Variants in TRAK2 observed in about 807,000 individuals in gnomAD.
TRAK2 encodes the protein trafficking kinesin-binding protein 2.
A neutral mutation model predicts 104.6 loss-of-function variants in TRAK2; 81 were observed. That is an observed-to-expected ratio of 0.77 (90% CI 0.65 to 0.93). The LOEUF (loss-of-function observed/expected upper bound fraction) is 0.93. TRAK2 is among the 40% of genes least tolerant of loss of function. The pLI, the probability that TRAK2 is intolerant of heterozygous loss-of-function variation, is 0.00. For missense variants in TRAK2, 1,002 were observed against 1,089.0 expected (o/e 0.92, Z 1.12); for synonymous variants, 406 against 394.4 (o/e 1.03, Z -0.35).
chr2:201,385,332 T>C lies in TRAK2; in HGVS notation c.1963+886A>G, dbSNP rs528774571. Among the ~76,000 whole-genome samples, 4 of 151,190 alleles carry C rather than the reference T, an allele frequency of 2.6e-5. No individual in the cohort carries two copies. The East Asian group carries it at 8.0e-4, about 30-fold the overall frequency. ...CAAAATGTAGGATACGACCAATGCA[T>C]TTAATTTAATTTTTTTTTTTTTTTA... is the stretch of plus-strand genomic sequence containing the variant. On this transcript the variant is annotated intron_variant, in intron 14 of 15. Transcript: ENST00000332624.
rs1951988344 is a variant in TRAK2, at chr2:201,449,057, T to C, written c.-200+2293A>G. ...AGAACCTTTTGATAAAAGTCCAGTC[T>C]TATAATTTCTTACATAAGTGAGATG... On this transcript the variant is annotated intron_variant, in intron 1 of 15. Transcript: ENST00000332624. 2.6e-5 allele frequency among the ~76,000 whole-genome samples: 4 copies of C among 152,218 alleles called. No homozygotes were observed. The South Asian group carries it at 8.3e-4, about 32-fold the overall frequency.
chr2:201,397,450 C>A lies in TRAK2; in HGVS notation c.769+52G>T, dbSNP rs376516270. The A allele has an allele frequency of 7.1e-5, 93 of 1,318,780 alleles. 1 individual carries two copies. The African/African-American group carries it at 1.2e-3, about 17-fold the overall frequency. The allele number at this position is 1,318,780 out of a possible 1,614,324, so 81.7% of individuals were successfully genotyped here. A position where few individuals can be genotyped will look rare whatever the true frequency, so the allele number is the denominator to read the frequency against. On this transcript the variant is annotated intron_variant, in intron 7 of 15. Transcript: ENST00000332624. ...GATCTAACTTCCGAGGTGGAGATACCCTACCAAAGAATTGTCCAAAAAGGT... is the reference window on the plus strand; with the variant it reads ...GATCTAACTTCCGAGGTGGAGATACACTACCAAAGAATTGTCCAAAAAGGT...
chr2:201,389,974 C>T, intron 10 of TRAK2, 94 bp from the exon 11 acceptor site: 1 of 903,988 alleles, frequency 1.1e-6, no homozygotes, highest in Non-Finnish European at 1.7e-6. Flanking sequence ...TAATAAAATA[C>T]AAGGAAATAG....
chr2:201,411,899 A>G, intron 2 of TRAK2: 1 of 1,037,584 alleles, frequency 9.6e-7, no homozygotes, highest in Non-Finnish European at 1.5e-6. Flanking sequence ...AAGATTTGCA[A>G]AGGTTGGAAT....
Position 201,387,893 on chromosome 2 carries a change from G to A in TRAK2, c.1506C>T (p.Phe502=), listed in dbSNP as rs116586259. ...TCTTCCGCTGCCATTCTTCAGCAAA[G>A]AACTGCTTCTCACTTAAATAGTTTT... ...RRQNYLSEKQ[F]FAEEWQRKIQ... Residue 502 remains phenylalanine (F), a synonymous_variant, in exon 13 of 16, where the codon TTC becomes TTT. Transcript: ENST00000332624. 1.7e-3 allele frequency: 2,766 copies of A among 1,614,148 alleles called. 35 individuals are homozygous for A. The African/African-American group carries it at 0.033, about 19-fold the overall frequency.
chr2:201,404,752 T>C (rs1409596184), intron 3 of TRAK2, among the ~76,000 whole-genome samples: 2 of 152,104 alleles, frequency 1.3e-5, no homozygotes, highest in Non-Finnish European at 2.9e-5. Context: ...TCTCCAACTT[T>C]CCCACACCAA....
At chr2:201,408,621 C>A (rs1263103367) in intron 2 of TRAK2, among the ~76,000 whole-genome samples, 1 of 152,182 alleles carries the variant, frequency 6.6e-6, no homozygotes, top group Non-Finnish European at 1.5e-5. Context: ...TCTGAAGCAG[C>A]AGCAGCCTGC....
At chr2:201,387,569 C>G in intron 13 of TRAK2, 134 bp downstream of exon 13, 1 of 904,994 alleles carries the variant, frequency 1.1e-6, no homozygotes. Context: ...TCTTGCCACC[C>G]AAACAGCAAG....
intron 3 of TRAK2, among the ~76,000 whole-genome samples, chr2:201,405,539 G>A (rs950967167): frequency 2.0e-5 from 3 of 152,100 alleles, no homozygotes; most frequent in African/African-American, 7.2e-5. Flanking sequence ...GTGGAGTAGG[G>A]GGCCCAAGAA....
chr2:201,393,343 C>T (rs1951465666), intron 9 of TRAK2, among the ~76,000 whole-genome samples: 1 of 152,068 alleles, frequency 6.6e-6, no homozygotes, highest in South Asian at 2.1e-4. Flanking sequence ...GCTTCATACA[C>T]TTAACAGAGG....
rs1951315064 is a variant in TRAK2, at chr2:201,379,164, A to G, written c.*1379T>C. 1.3e-5 allele frequency: 2 copies of G among 152,246 alleles called. No homozygotes were observed. 9.4% of individuals were successfully genotyped at this position (152,246 alleles called of 1,614,324 possible). On this transcript the variant is annotated 3_prime_UTR_variant, in exon 16 of 16. Transcript: ENST00000332624. ...AACTGCGTGCTGTCTAGACAAAGCCACGTCATCTGATGAGAAGCAGACTTT... is the reference window on the plus strand; with the variant it reads ...AACTGCGTGCTGTCTAGACAAAGCCGCGTCATCTGATGAGAAGCAGACTTT...
chr2:201,401,629 T>C (rs778752008), intron 3 of TRAK2, among the ~76,000 whole-genome samples: 14 of 152,104 alleles, frequency 9.2e-5, no homozygotes, highest in Non-Finnish European at 1.8e-4. Flanking sequence ...CATAATTCCT[T>C]TAGGCTTAAT....
intron 5 of TRAK2, among the ~76,000 whole-genome samples, chr2:201,398,576 T>C (rs1951522416): frequency 6.6e-6 from 1 of 152,096 alleles, no homozygotes; most frequent in Admixed American, 6.6e-5. Context: ...GTACAGCTTT[T>C]TTCCCTCCTA....
In TRAK2 at chr2:201,387,920, T is replaced by C; in HGVS notation, c.1479A>G (p.Arg493=). The change falls in exon 13 of 16, where the codon CGA becomes CGG. Residue 493 remains arginine, a synonymous_variant. Transcript: ENST00000332624. ...ACTGCTTCTCACTTAAATAGTTTTG[T>C]CGACGCAAGCTAAGGCGATGCAGTG... ...ATALHRLSLR[R]QNYLSEKQFF... 6.2e-7 allele frequency: 1 copy of C among 1,614,182 alleles called. No homozygotes were observed. The highest frequency in any genetic ancestry group is 1.3e-5 in the African/African-American group (1 of 75,044).
rs888947931 is a variant in TRAK2, at chr2:201,380,496, A to G, written c.*47T>C. On this transcript the variant is annotated 3_prime_UTR_variant, in exon 16 of 16. Transcript: ENST00000332624. ...AGACCACATGTTTCAGTGCATATCT[A>G]TCCTTCATGTGCTAACTTGTATAAA... 1 of 1,566,034 alleles carries G rather than the reference A, an allele frequency of 6.4e-7. No individual in the cohort carries two copies. Among genetic ancestry groups the G allele is most frequent in the Admixed American group, 1.7e-5 (1 of 57,996 alleles).
rs1216966716 is a variant in TRAK2 at position 201,397,550 on chromosome 2, A to G, written c.721T>C (p.Tyr241His). The G allele has an allele frequency of 6.2e-7, 1 of 1,612,940 alleles. No homozygotes were observed. The highest frequency in any genetic ancestry group is 1.7e-5 in the Admixed American group (1 of 59,988). The change falls in exon 7 of 16, where the codon TAT (tyrosine) becomes CAT (histidine). Residue 241 changes from tyrosine (Y) to histidine (H), a missense_variant. Tyr to His is a moderately conservative substitution (Grantham distance 83). Transcript: ENST00000332624. ...ACHIKTETVT[Y>H]EEKEQQLVSD... is the part of the protein sequence containing the mutation. ...ACAAGCTGTTGTTCCTTTTCTTCAT[A>G]GGTAACAGTTTCTGTCTTTATGTGA...
intron 10 of TRAK2, among the ~76,000 whole-genome samples, chr2:201,391,148 TC>T (rs1951444831): frequency 6.6e-6 from 1 of 152,078 alleles, no homozygotes; most frequent in African/African-American, 2.4e-5. Context: ...TAACCAGAGC[TC>T]TTTGGAGAAA....
chr2:201,411,809 AG>A (rs747461554), intron 2 of TRAK2: 2 of 815,662 alleles, frequency 2.5e-6, no homozygotes, highest in Non-Finnish European at 4.4e-6. Context: ...ATGAATTTAC[AG>A]GAACAGCAAG....
At position 201,407,572 on chromosome 2, in the gene TRAK2, A is replaced by C. The variant is rs369540643; in HGVS notation, c.117T>G (p.Pro39=). Residue 39 remains proline (P), a synonymous_variant, in exon 3 of 16, where the codon CCT becomes CCG. Coordinates refer to ENST00000332624, the MANE Select transcript of TRAK2 (RefSeq NM_015049.3). ...CTAGCAGACTCACCAGCTCAACTTCAGGGAGATCCTCATTGGAGCAGACAT... is the reference window on the plus strand; with the variant it reads ...CTAGCAGACTCACCAGCTCAACTTCCGGGAGATCCTCATTGGAGCAGACAT... ...ITDVCSNEDL[P]EVELVSLLEE... The C allele has an allele frequency of 2.5e-6, 4 of 1,613,644 alleles. No homozygotes were observed. Among genetic ancestry groups the C allele is most frequent in the African/African-American group, 1.3e-5 (1 of 75,048 alleles).
Sources: allele counts gnomAD v4.1 joint callset (sites outside exome capture counted in the v4.1 genomes callset), GRCh38; gene constraint gnomAD v4.1.1; transcripts MANE v1.5; gene names NCBI Gene and HGNC (gene_info 2026-07-23, HGNC 2026-07-21).